Variants in RXFP1 observed in about 807,000 individuals in gnomAD.
The protein encoded by RXFP1 is relaxin receptor 1.
In RXFP1, 73 loss-of-function variants were observed where a neutral mutation model predicts 89.8. The ratio of observed to expected loss-of-function variants is 0.81; its 90% CI spans 0.67 to 0.99. The LOEUF is 0.99. Ranked by LOEUF, RXFP1 falls within the 50% of genes least tolerant of loss-of-function variation. The pLI is 0.00. For synonymous variants in RXFP1, 277 were observed against 305.5 expected (o/e 0.91, Z 0.97); for missense variants, 793 against 895.5 (o/e 0.89, Z 1.46).
intron 1 of RXFP1, among the ~76,000 whole-genome samples, chr4:158,522,458 G>T (rs1342708913): frequency 6.6e-6 from 1 of 152,072 alleles, no homozygotes; most frequent in Non-Finnish European, 1.5e-5. Context: ...TGTGCTTCTG[G>T]GCAGGGAGAT....
At chr4:158,571,423 T>G (rs561837128) in intron 1 of RXFP1, among the ~76,000 whole-genome samples, 6 of 152,250 alleles carry the variant, frequency 3.9e-5, no homozygotes, top group African/African-American at 1.4e-4. Context: ...TCCCAGCACT[T>G]TGGGAGGCCG....
At chr4:158,557,954 A>C (rs544080057) in intron 1 of RXFP1, among the ~76,000 whole-genome samples, 1 of 152,330 alleles carries the variant, frequency 6.6e-6, no homozygotes, top group Admixed American at 6.5e-5. Context: ...AGAAACTCCT[A>C]GTGCATAGAT....
chr4:158,571,553 T>C (rs1166388519), intron 1 of RXFP1, among the ~76,000 whole-genome samples: 1 of 151,962 alleles, frequency 6.6e-6, no homozygotes, highest in Non-Finnish European at 1.5e-5. Context: ...TCTCAGCTAC[T>C]CAGGAGGCTG....
chr4:158,522,071 G>C (rs752390222), intron 1 of RXFP1, 46 bp downstream of exon 1: 12 of 1,154,512 alleles, frequency 1.0e-5, no homozygotes, highest in Non-Finnish European at 1.5e-5. Flanking sequence ...GTATTTTGTG[G>C]AATAACCACA....
chr4:158,610,726 T>G, intron 6 of RXFP1: 2 of 1,288,128 alleles, frequency 1.6e-6, no homozygotes, highest in Non-Finnish European at 1.0e-6. Flanking sequence ...GTCTTTTACC[T>G]GGAGGGTTTT....
chr4:158,604,222 G>A (rs28609262), intron 4 of RXFP1, among the ~76,000 whole-genome samples: 4,464 of 151,912 alleles, frequency 0.029, 190 homozygotes, highest in African/African-American at 0.1. Flanking sequence ...CAGACAATGC[G>A]GTCTGTTGCT....
At chr4:158,527,564 A>AAAAAAAATATATATAT (rs5741905) in intron 1 of RXFP1, among the ~76,000 whole-genome samples, 33 of 98,324 alleles carry the variant, frequency 3.4e-4, no homozygotes, top group East Asian at 2.2e-3. Context: ...AAAAAAAAAA[A>AAAAAAAATATATATAT]ATATATATAT....
At chr4:158,577,222 A>G (rs1285504062) in intron 2 of RXFP1, among the ~76,000 whole-genome samples, 1 of 151,988 alleles carries the variant, frequency 6.6e-6, no homozygotes, top group Non-Finnish European at 1.5e-5. Flanking sequence ...CATTTTTAGT[A>G]TTGATGGGGT....
At chr4:158,595,390 T>C (rs1409214238) in intron 3 of RXFP1, among the ~76,000 whole-genome samples, 1 of 152,238 alleles carries the variant, frequency 6.6e-6, no homozygotes, top group Admixed American at 6.5e-5. Context: ...CACCTGGCAA[T>C]GCCAGCTCCT....
intron 8 of RXFP1, among the ~76,000 whole-genome samples, chr4:158,614,439 C>G (rs759943024): frequency 7.9e-5 from 12 of 152,222 alleles, no homozygotes; most frequent in Non-Finnish European, 1.8e-4. Flanking sequence ...TTAGCTAGAT[C>G]TTCTGGATAA....
chr4:158,561,351 AC>A (rs1752386879), intron 1 of RXFP1, among the ~76,000 whole-genome samples: 1 of 152,270 alleles, frequency 6.6e-6, no homozygotes, highest in Non-Finnish European at 1.5e-5. Context: ...AAAATTCCAC[AC>A]CTGACCTAAT....
At chr4:158,586,320 CTTTA>C (rs939903905) in intron 2 of RXFP1, among the ~76,000 whole-genome samples, 1 of 152,176 alleles carries the variant, frequency 6.6e-6, no homozygotes, top group African/African-American at 2.4e-5. Flanking sequence ...TGTTTTTAGA[CTTTA>C]TTTATAGCAT....
At chr4:158,563,943 TTATA>T (rs1463585492) in intron 1 of RXFP1, among the ~76,000 whole-genome samples, 3 of 148,122 alleles carry the variant, frequency 2.0e-5, no homozygotes, top group Non-Finnish European at 3.0e-5. Flanking sequence ...GTATAACATG[TTATA>T]TATAAATGTT....
At chr4:158,580,016 T>A (rs961162628) in intron 2 of RXFP1, among the ~76,000 whole-genome samples, 8 of 151,962 alleles carry the variant, frequency 5.3e-5, no homozygotes, top group Admixed American at 5.2e-4. Flanking sequence ...CAGGGCTAGA[T>A]GGGAAAGACA....
At chr4:158,569,337 C>T (rs755724399) in intron 1 of RXFP1, among the ~76,000 whole-genome samples, 3 of 152,154 alleles carry the variant, frequency 2.0e-5, no homozygotes, top group Non-Finnish European at 4.4e-5. Context: ...CTGTATTATA[C>T]TATAATGGTG....
intron 1 of RXFP1, among the ~76,000 whole-genome samples, chr4:158,563,285 T>A (rs948933711): frequency 9.9e-5 from 15 of 152,212 alleles, no homozygotes; most frequent in Non-Finnish European, 2.1e-4. Flanking sequence ...AAATGATCTT[T>A]GTACCAACTC....
At chr4:158,618,262 A>G (rs1451685794) in intron 9 of RXFP1, among the ~76,000 whole-genome samples, 1 of 152,130 alleles carries the variant, frequency 6.6e-6, no homozygotes, top group African/African-American at 2.4e-5. Flanking sequence ...ATTAAACACA[A>G]TTGAACAATA....
chr4:158,627,834 A>G (rs1345079602), intron 10 of RXFP1, among the ~76,000 whole-genome samples: 4 of 152,184 alleles, frequency 2.6e-5, no homozygotes, highest in Non-Finnish European at 1.5e-5. Context: ...CACCTGAAGG[A>G]CACAGAACAA....
intron 2 of RXFP1, among the ~76,000 whole-genome samples, chr4:158,584,836 T>A (rs543491017): frequency 6.6e-6 from 1 of 152,252 alleles, no homozygotes; most frequent in South Asian, 2.1e-4. Context: ...ATCAAACCAG[T>A]TTAAGTTTTG....
Sources: gnomAD v4.1 joint callset for allele counts (sites outside exome capture counted in the v4.1 genomes callset) on GRCh38, gnomAD v4.1.1 for gene constraint, MANE v1.5 for transcripts, NCBI Gene and HGNC (gene_info 2026-07-23, HGNC 2026-07-21) for gene names.